Variants in HERC3 observed in about 807,000 individuals in gnomAD.
HERC3 encodes the protein HECT and RLD domain containing E3 ubiquitin protein ligase 3.
A neutral mutation model predicts 129.9 loss-of-function variants in HERC3; 58 were observed. That is an observed-to-expected ratio of 0.45 (90% CI 0.36 to 0.56). The LOEUF (loss-of-function observed/expected upper bound fraction) is 0.56, where lower values mean the gene tolerates loss of function less well. Among genes scored for constraint, HERC3 ranks in the 20% least tolerant of loss-of-function variants. The pLI is 0.00. For synonymous variants in HERC3, 430 were observed against 451.0 expected (o/e 0.95, Z 0.59); for missense variants, 835 against 1,244.2 (o/e 0.67, Z 4.95).
intron 3 of HERC3, among the ~76,000 whole-genome samples, chr4:88,609,263 A>G (rs1390243448): frequency 6.6e-6 from 1 of 152,186 alleles, no homozygotes; most frequent in African/African-American, 2.4e-5. Flanking sequence ...AGCCTGGGCA[A>G]CAGAGCAAGA....
intron 8 of HERC3, among the ~76,000 whole-genome samples, chr4:88,655,518 T>C (rs1729790506): frequency 6.6e-6 from 1 of 152,106 alleles, no homozygotes; most frequent in South Asian, 2.1e-4. Context: ...TTAGGCTTCT[T>C]TTGGGATAAA....
intron 23 of HERC3, among the ~76,000 whole-genome samples, chr4:88,694,312 T>C (rs1483953161): frequency 2.0e-5 from 3 of 152,248 alleles, no homozygotes; most frequent in African/African-American, 7.2e-5. Context: ...CTAGTAGGAC[T>C]TAATAATTTT....
At chr4:88,574,406 A>G in the HERC3 span, among the ~76,000 whole-genome samples, 1 of 152,112 alleles carries the variant, frequency 6.6e-6, no homozygotes, top group Non-Finnish European at 1.5e-5. Context: ...AATAGTTATT[A>G]TTTTTAATTG....
At position 88,660,034 on chromosome 4, in the gene HERC3, A is replaced by G. The variant is rs186834403; in HGVS notation, c.1146+1543A>G. On this transcript the variant is annotated intron_variant, in intron 10 of 25. Coordinates refer to ENST00000402738, the MANE Select transcript of HERC3 (RefSeq NM_014606.3). ...ATCACAAAGAAAAAGGAAAGTAAAC[A>G]TTACTTAAGAAGATGTTGCTCTTTC... Among the ~76,000 whole-genome samples the G allele has an allele frequency of 2.7e-3, 411 of 152,286 alleles. 1 individual carries two copies. Among genetic ancestry groups the G allele is most frequent in the Non-Finnish European group, 3.9e-3 (267 of 68,016 alleles).
chr4:88,697,459 T>A, intron 23 of HERC3: 2 of 1,614,156 alleles, frequency 1.2e-6, no homozygotes, highest in Non-Finnish European at 1.7e-6. Context: ...AAATTCCTTA[T>A]CAAATTTGGC....
intron 23 of HERC3, among the ~76,000 whole-genome samples, chr4:88,698,348 C>T (rs1225223265): frequency 6.6e-6 from 1 of 152,060 alleles, no homozygotes; most frequent in Non-Finnish European, 1.5e-5. Flanking sequence ...TATCCAAGCT[C>T]TGTACCTATG....
intron 10 of HERC3, among the ~76,000 whole-genome samples, chr4:88,660,149 C>A (rs1487084550): frequency 6.6e-6 from 1 of 152,022 alleles, no homozygotes; most frequent in Non-Finnish European, 1.5e-5. Flanking sequence ...ATATGCTTAC[C>A]CTGTTACCAT....
At chr4:88,533,167 A>G in the HERC3 span, among the ~76,000 whole-genome samples, 3 of 152,224 alleles carry the variant, frequency 2.0e-5, no homozygotes, top group East Asian at 5.8e-4. Flanking sequence ...CTGATGTTTG[A>G]GGGCAGGAAG....
intron 3 of HERC3, among the ~76,000 whole-genome samples, chr4:88,621,114 A>C (rs140556961): frequency 1.3e-5 from 2 of 151,852 alleles, no homozygotes; most frequent in Admixed American, 6.6e-5. Flanking sequence ...GCTTTCAGCA[A>C]GTTTTTTTTT....
At chr4:88,676,754 A>G (rs1418766992) in intron 18 of HERC3, among the ~76,000 whole-genome samples, 1 of 152,234 alleles carries the variant, frequency 6.6e-6, no homozygotes, top group Non-Finnish European at 1.5e-5. Flanking sequence ...CTATATTCCA[A>G]CAAAACTTTA....
intron 2 of HERC3, among the ~76,000 whole-genome samples, chr4:88,596,409 T>C (rs888720571): frequency 2.0e-5 from 3 of 152,206 alleles, no homozygotes; most frequent in African/African-American, 7.2e-5. Flanking sequence ...TCTTTAACAT[T>C]ATCTGGAAAA....
the HERC3 span, among the ~76,000 whole-genome samples, chr4:88,582,366 A>G: frequency 6.6e-6 from 1 of 152,176 alleles, no homozygotes; most frequent in African/African-American, 2.4e-5. Context: ...AGAAAACAAT[A>G]TCCCAAAATA....
In HERC3 at chr4:88,660,424, G is replaced by A. The variant is rs143087177; in HGVS notation, c.1146+1933G>A. ...TCACCATGTTGGCCAGGCTGGTTTT[G>A]AACTCCTGACCTCAAGTGATCTACC... On this transcript the variant is annotated intron_variant, in intron 10 of 25. Coordinates refer to ENST00000402738, the MANE Select transcript of HERC3 (RefSeq NM_014606.3). 9.4e-3 allele frequency among the ~76,000 whole-genome samples: 1,434 copies of A among 152,082 alleles called. 20 individuals are homozygous for A. The highest frequency in any genetic ancestry group is 0.032 in the African/African-American group (1,337 of 41,486).
rs1724557714 is a variant in HERC3 at position 88,613,348 on chromosome 4, C to T, written c.226+7299C>T. Among the ~76,000 whole-genome samples the T allele has an allele frequency of 1.3e-5, 2 of 152,202 alleles. 1 individual carries two copies. The highest frequency in any genetic ancestry group is 4.8e-5 in the African/African-American group (2 of 41,448). On this transcript the variant is annotated intron_variant, in intron 3 of 25. Transcript: ENST00000402738. ...TTTACTTTCTCCTGAGTTAGTTTCC[C>T]TCTTGCAGGTAATTTAATCCAATTC...
intron 21 of HERC3, among the ~76,000 whole-genome samples, chr4:88,686,167 A>C (rs979830751): frequency 3.3e-5 from 5 of 152,122 alleles, no homozygotes; most frequent in Middle Eastern, 6.8e-3. Context: ...AATTAGTGTG[A>C]GTGTATTTTA....
chr4:88,531,555 T>C, the HERC3 span, among the ~76,000 whole-genome samples: 1 of 152,240 alleles, frequency 6.6e-6, no homozygotes, highest in East Asian at 1.9e-4. Flanking sequence ...CCAACTCTGC[T>C]TGAAATCTGT....
At chr4:88,620,094 G>A (rs1198392546) in intron 3 of HERC3, among the ~76,000 whole-genome samples, 1 of 152,170 alleles carries the variant, frequency 6.6e-6, no homozygotes, top group Non-Finnish European at 1.5e-5. Flanking sequence ...TTAATATATA[G>A]CATAAGGAAA....
the HERC3 span, among the ~76,000 whole-genome samples, chr4:88,547,069 T>C: frequency 1.3e-5 from 2 of 152,158 alleles, no homozygotes; most frequent in African/African-American, 4.8e-5. Flanking sequence ...CCTAAACTTA[T>C]ATAATACACT....
intron 7 of HERC3, 96 bp from the exon 8 acceptor site, chr4:88,655,078 C>T (rs780802587): frequency 3.1e-6 from 4 of 1,283,924 alleles, no homozygotes; most frequent in Non-Finnish European, 4.3e-6. Context: ...ATGTAGTGCT[C>T]TTGTGCACAT....
Sources: allele counts gnomAD v4.1 joint callset (sites outside exome capture counted in the v4.1 genomes callset), GRCh38; gene constraint gnomAD v4.1.1; transcripts MANE v1.5; gene names NCBI Gene and HGNC (gene_info 2026-07-23, HGNC 2026-07-21).